Variants in DPYD observed in about 807,000 individuals in gnomAD.
DPYD encodes the protein dihydropyrimidine dehydrogenase, also known as dihydropyrimidine dehydrogenase [NADP(+)].
Under a neutral mutation model 116.2 loss-of-function variants are expected in DPYD, and 109 were observed. The observed-to-expected ratio is 0.94, with a 90% CI of 0.80 to 1.10. DPYD has a LOEUF of 1.10. Ranked by LOEUF, DPYD falls within the 50% of genes least tolerant of loss-of-function variation. The probability of loss-of-function intolerance (pLI) is 0.00; values close to 1 mark genes in which losing one functional copy is unlikely to be tolerated. For synonymous variants in DPYD, 440 were observed against 432.0 expected, an observed-to-expected ratio of 1.02 and a Z score of -0.23; for missense variants, 1,302 against 1,254.5, an observed-to-expected ratio of 1.04 and a Z score of -0.57.
intron 3 of DPYD, among the ~76,000 whole-genome samples, chr1:97,741,950 T>A (rs1400231377): frequency 5.3e-5 from 8 of 151,976 alleles, no homozygotes; most frequent in Non-Finnish European, 1.0e-4. Context: ...GGATTCTGAG[T>A]GCAGGGTCAC....
chr1:97,509,059 C>G (rs920454153), intron 13 of DPYD, among the ~76,000 whole-genome samples: 9 of 151,910 alleles, frequency 5.9e-5, no homozygotes. Flanking sequence ...CATCAGCCAG[C>G]CACCAAACAG....
At chr1:97,479,121 T>C (rs1420463583) in intron 13 of DPYD, among the ~76,000 whole-genome samples, 3 of 152,208 alleles carry the variant, frequency 2.0e-5, no homozygotes, top group Non-Finnish European at 2.9e-5. Flanking sequence ...TTATCATTTA[T>C]GTGTTCAGAG....
Position 97,883,322 on chromosome 1 carries a change from G to A in DPYD, c.92C>T (p.Thr31Ile). The A allele has an allele frequency of 1.2e-6, 2 of 1,612,970 alleles. No homozygotes were observed. The highest frequency in any genetic ancestry group is 8.5e-7 in the Non-Finnish European group (1 of 1,179,280). Reference protein sequence around the residue: ...RTQTHATLCSTSAKKLDKKHW... With the variant: ...RTQTHATLCSISAKKLDKKHW... ...TTTCTTGTCTAATTTCTTGGCCGAA[G>A]TGGAACACAGAGTTGCATGAGTTTG... The change falls in exon 2 of 23, where the codon ACT (threonine) becomes ATT (isoleucine). Residue 31 changes from threonine (T) to isoleucine (I), a missense_variant. Transcript: ENST00000370192.
chr1:97,704,788 A>T (rs1661824333), intron 5 of DPYD, among the ~76,000 whole-genome samples: 2 of 151,996 alleles, frequency 1.3e-5, no homozygotes, highest in African/African-American at 4.8e-5. Flanking sequence ...GTTGTCCATC[A>T]ACTGACTAAT....
chr1:97,476,896 G>A (rs1443377725), intron 13 of DPYD, among the ~76,000 whole-genome samples: 1 of 152,158 alleles, frequency 6.6e-6, no homozygotes, highest in African/African-American at 2.4e-5. Context: ...TGTATTAAGT[G>A]TGTAATAGCA....
At chr1:97,451,596 A>G (rs1381776794) in intron 13 of DPYD, among the ~76,000 whole-genome samples, 1 of 152,092 alleles carries the variant, frequency 6.6e-6, no homozygotes, top group Non-Finnish European at 1.5e-5. Context: ...TTGTGAAACC[A>G]TGTTTCACAA....
intron 21 of DPYD, among the ~76,000 whole-genome samples, chr1:97,090,679 G>C (rs1214264461): frequency 1.3e-5 from 2 of 152,154 alleles, no homozygotes; most frequent in African/African-American, 4.8e-5. Context: ...TTTTTAACAT[G>C]TGTCTTTCTC....
chr1:97,800,839 C>T (rs1390343190), intron 3 of DPYD, among the ~76,000 whole-genome samples: 2 of 151,888 alleles, frequency 1.3e-5, no homozygotes, highest in Non-Finnish European at 2.9e-5. Context: ...ACTTTCATCT[C>T]TTCTGTTGTT....
chr1:97,741,790 G>A (rs574868604), intron 3 of DPYD, among the ~76,000 whole-genome samples: 1 of 152,220 alleles, frequency 6.6e-6, no homozygotes, highest in African/African-American at 2.4e-5. Context: ...TGTGGTCAAT[G>A]AGAATCTGGG....
intron 8 of DPYD, 66 bp from the exon 9 acceptor site, chr1:97,595,232 C>G (rs967114281): frequency 1.5e-6 from 2 of 1,295,036 alleles, no homozygotes; most frequent in Non-Finnish European, 2.2e-6. Context: ...GATATTAAAA[C>G]AAAAAAGAAA....
chr1:97,275,616 G>T (rs1249478088), intron 18 of DPYD, among the ~76,000 whole-genome samples: 4 of 152,160 alleles, frequency 2.6e-5, no homozygotes, highest in African/African-American at 9.7e-5. Context: ...AAAAATTGAG[G>T]TGTTTGAATA....
chr1:97,606,044 T>A (rs1248414372), intron 8 of DPYD, among the ~76,000 whole-genome samples: 1 of 152,094 alleles, frequency 6.6e-6, no homozygotes, highest in East Asian at 1.9e-4. Context: ...TCATTATATA[T>A]CTAGTTCTGA....
chr1:97,151,430 T>C (rs992765336), intron 20 of DPYD, among the ~76,000 whole-genome samples: 3 of 152,056 alleles, frequency 2.0e-5, no homozygotes, highest in Admixed American at 2.0e-4. Context: ...TCCCAGCACT[T>C]TGGGAGGCCG....
At chr1:97,406,663 C>T (rs72728494) in intron 14 of DPYD, among the ~76,000 whole-genome samples, 15,407 of 150,270 alleles carry the variant, frequency 0.1, 833 homozygotes, top group African/African-American at 0.13. Context: ...AGCTCTTTAG[C>T]GTTTTACTTG....
intron 5 of DPYD, among the ~76,000 whole-genome samples, chr1:97,708,813 TCA>T (rs1158989030): frequency 6.6e-6 from 1 of 151,978 alleles, no homozygotes; most frequent in Non-Finnish European, 1.5e-5. Flanking sequence ...ATTTATTTCA[TCA>T]CAGTTTCATA....
chr1:97,119,952 T>C (rs1652293006), intron 20 of DPYD, among the ~76,000 whole-genome samples: 1 of 152,178 alleles, frequency 6.6e-6, no homozygotes, highest in African/African-American at 2.4e-5. Context: ...GAAATGTGGC[T>C]AATTCTCATC....
intron 14 of DPYD, among the ~76,000 whole-genome samples, chr1:97,419,343 C>T (rs1674453087): frequency 1.3e-5 from 2 of 152,232 alleles, no homozygotes; most frequent in South Asian, 4.1e-4. Context: ...CACTCAAAAA[C>T]TCATCACCTC....
At chr1:97,713,154 A>T (rs1169490464) in intron 5 of DPYD, among the ~76,000 whole-genome samples, 1 of 152,070 alleles carries the variant, frequency 6.6e-6, no homozygotes, top group African/African-American at 2.4e-5. Context: ...TTTACAAGTG[A>T]TTCATGTTGA....
At chr1:97,546,396 G>C (rs1022426101) in intron 12 of DPYD, 12 of 1,490,408 alleles carry the variant, frequency 8.1e-6, no homozygotes, top group Non-Finnish European at 1.1e-5. Flanking sequence ...TTTCAGATAA[G>C]GGCAGTGATT....
Sources: gnomAD v4.1 joint callset for allele counts (sites outside exome capture counted in the v4.1 genomes callset) on GRCh38, gnomAD v4.1.1 for gene constraint, MANE v1.5 for transcripts, NCBI Gene and HGNC (gene_info 2026-07-23, HGNC 2026-07-21) for gene names.